The following MYO18A variants were observed in gnomAD, a reference collection of about 807,000 sequenced individuals.
The protein encoded by MYO18A is unconventional myosin-XVIIIa.
MYO18A carries 78 observed loss-of-function variants against 235.8 expected under a neutral mutation model. That is an observed-to-expected ratio of 0.33 (90% CI 0.28 to 0.40). The LOEUF (loss-of-function observed/expected upper bound fraction) is 0.40. Ranked by LOEUF, MYO18A falls within the 10% of genes least tolerant of loss-of-function variation. The pLI is 1.00. For synonymous variants in MYO18A, 977 were observed against 1,077.8 expected, an observed-to-expected ratio of 0.91 and a Z score of 1.83; for missense variants, 2,215 against 2,699.3, an observed-to-expected ratio of 0.82 and a Z score of 3.98.
rs781186814 is a variant in MYO18A, at chr17:29,121,187, G to A, written c.1396C>T (p.Arg466Trp). 7 of 1,608,446 alleles carry A rather than the reference G, an allele frequency of 4.4e-6. No homozygotes were observed. The highest frequency in any genetic ancestry group is 1.6e-4 in the Middle Eastern group (1 of 6,078). ...ATGTGGGGTGCCATGTCCTCCCGCC[G>A]ACAACCCTTGAACATGTGCATCACC... ...EKVMHMFKGCRREDMAPHIYA... is the reference protein window; with the variant it reads ...EKVMHMFKGCWREDMAPHIYA... The change falls in exon 6 of 42, where the codon CGG (arginine) becomes TGG (tryptophan). Residue 466 changes from arginine to tryptophan, a missense_variant. Physicochemically the swap from Arg to Trp is moderately radical, Grantham distance 101. Transcript: ENST00000527372. This position sits in a 1 kb window ranked among gnomAD's most constrained non-coding sequence, Gnocchi z 4.2.
chr17:29,129,090 C>T (rs949045794), intron 2 of MYO18A: 16 of 1,289,254 alleles, frequency 1.2e-5, no homozygotes, highest in African/African-American at 4.6e-5. Context: ...ACCTGTTTTC[C>T]GGGCAGTCAG....
At position 29,177,546 on chromosome 17, in the gene MYO18A, C is replaced by T. The variant is rs117093639; in HGVS notation, c.-82+2767G>A. 6.6e-3 allele frequency among the ~76,000 whole-genome samples: 1,008 copies of T among 152,236 alleles called. 5 individuals are homozygous for T. Among genetic ancestry groups the T allele is most frequent in the Non-Finnish European group, 0.011 (727 of 67,996 alleles). On this transcript the variant is annotated intron_variant, in intron 1 of 41. Coordinates refer to ENST00000527372, the MANE Select transcript of MYO18A (RefSeq NM_078471.4). ...ACCTCCCCAACTCCTCTAATTCAGGCCACCTTGGAAAATGCTAGGGGGAAG... is the reference window on the plus strand; with the variant it reads ...ACCTCCCCAACTCCTCTAATTCAGGTCACCTTGGAAAATGCTAGGGGGAAG...
In MYO18A at chr17:29,071,423, C is replaced by T. The variant is rs1039034460; in HGVS notation, c.*3347G>A. On this transcript the variant is annotated 3_prime_UTR_variant, in exon 42 of 42. Transcript: ENST00000527372. ...TGGCCCTAAAGGCTCCTGGACTCCT[C>T]TGGGGCCAAGGGAATTGTCTCCTTC... The T allele has an allele frequency of 8.5e-5, 13 of 152,236 alleles. No individual in the cohort carries two copies. The highest frequency in any genetic ancestry group is 3.1e-4 in the African/African-American group (13 of 41,466). The allele number at this position is 152,236 out of a possible 1,614,324, so 9.4% of individuals were successfully genotyped here. A position where few individuals can be genotyped will look rare whatever the true frequency, so the allele number is the denominator to read the frequency against.
intron 17 of MYO18A, 138 bp from the exon 18 acceptor site, chr17:29,110,760 C>T (rs1201580813): frequency 1.2e-5 from 10 of 822,596 alleles, no homozygotes; most frequent in Non-Finnish European, 1.7e-5. Flanking sequence ...GAACTGCATG[C>T]CCCACACCCT....
rs1371583594 is a variant in MYO18A, at chr17:29,098,344, G to A, written c.3870+12C>T. 6 of 1,613,630 alleles carry A rather than the reference G, an allele frequency of 3.7e-6. No homozygotes were observed. Among genetic ancestry groups the A allele is most frequent in the Non-Finnish European group, 5.1e-6 (6 of 1,179,776 alleles). On this transcript the variant is annotated intron_variant, in intron 24 of 41. Transcript: ENST00000527372. ...GCCATGCCCAGTCGGTGTGGTGCCA[G>A]GAGTCACTCACCCGGCTCTCCAGCC...
rs758293569 is a variant in MYO18A at position 29,121,930 on chromosome 17, T to C, written c.1115A>G (p.Asn372Ser). The change falls in exon 4 of 42, where the codon AAC (asparagine) becomes AGC (serine). Residue 372 changes from asparagine (N) to serine (S), a missense_variant. Asn to Ser is a conservative substitution (Grantham distance 46, BLOSUM62 1). Coordinates refer to ENST00000527372, the MANE Select transcript of MYO18A (RefSeq NM_078471.4). This position sits in a 1 kb window ranked among gnomAD's most constrained non-coding sequence, Gnocchi z 4.2. ...LASQLKSEEL[N>S]LPEGKVRVKL... The stretch of plus-strand genomic sequence containing the variant: ...CACACGCACCTTCCCCTCAGGCAAG[T>C]TGAGCTCCTCAGATTTGAGTTGACT... 1 of 1,613,882 alleles carries C rather than the reference T, an allele frequency of 6.2e-7. No individual in the cohort carries two copies. Among genetic ancestry groups the C allele is most frequent in the Admixed American group, 1.7e-5 (1 of 60,012 alleles).
At chr17:29,091,733 A>T in intron 34 of MYO18A, 1 of 452,806 alleles carries the variant, frequency 2.2e-6, no homozygotes, top group Non-Finnish European at 4.4e-6. Flanking sequence ...TGAAGCCACC[A>T]GCCCAGCCCA....
rs112380752 is a variant in MYO18A, at chr17:29,095,351, C to G, written c.4386-292G>C. On this transcript the variant is annotated intron_variant, in intron 28 of 41. Coordinates refer to ENST00000527372, the MANE Select transcript of MYO18A (RefSeq NM_078471.4). The stretch of plus-strand genomic sequence containing the variant: ...TAACAGGCCCCCTCAGGAGTTAAGT[C>G]TCTACATTTTCCATTTCAACACATC... 2.5e-3 allele frequency among the ~76,000 whole-genome samples: 384 copies of G among 152,326 alleles called. 1 individual carries two copies. Among genetic ancestry groups the G allele is most frequent in the Non-Finnish European group, 4.7e-3 (319 of 68,028 alleles).
intron 2 of MYO18A, among the ~76,000 whole-genome samples, chr17:29,150,139 C>G (rs78150107): frequency 6.6e-6 from 1 of 152,216 alleles, no homozygotes; most frequent in Non-Finnish European, 1.5e-5. Flanking sequence ...TCAGGTTCCT[C>G]GTAACACTGG....
intron 41 of MYO18A, chr17:29,080,307 G>A: frequency 1.0e-6 from 1 of 986,098 alleles, no homozygotes; most frequent in Non-Finnish European, 1.2e-6. Context: ...GACGGCTGAC[G>A]GAGCGGACGC....
At position 29,085,605 on chromosome 17, in the gene MYO18A, G is replaced by C. The variant is rs759925185; in HGVS notation, c.5896C>G (p.Leu1966Val). 1.2e-6 allele frequency: 2 copies of C among 1,613,868 alleles called. No individual in the cohort carries two copies. Among genetic ancestry groups the C allele is most frequent in the Non-Finnish European group, 1.7e-6 (2 of 1,179,858 alleles). ...VTKYQKRKNK[L>V]EGDSDVDSEL... is the part of the protein sequence containing the mutation. Reference sequence around the variant, plus strand: ...GAGCACATGCGCTCCAGTCCTCACAGTTTATTCTTTCTTTTCTGATACTTT... The same window carrying C: ...GAGCACATGCGCTCCAGTCCTCACACTTTATTCTTTCTTTTCTGATACTTT... Residue 1966 changes from leucine to valine, a missense_variant and splice_region_variant, in exon 40 of 42, where the codon CTT (leucine) becomes GTT (valine). Physicochemically the swap from Leu to Val is conservative, Grantham distance 32 (BLOSUM62 1). Coordinates refer to ENST00000527372, the MANE Select transcript of MYO18A (RefSeq NM_078471.4).
chr17:29,123,725 G>C (rs1158493964), intron 2 of MYO18A, among the ~76,000 whole-genome samples: 7 of 152,244 alleles, frequency 4.6e-5, no homozygotes, highest in African/African-American at 1.7e-4. Context: ...CATTAAAAAG[G>C]CTAGTTCTTT....
chr17:29,074,152 T>C lies in MYO18A; in HGVS notation c.*618A>G, dbSNP rs774978495. Reference sequence around the variant, plus strand: ...GGCTCTCCTCACCAGCGTCTCCAGCTGCACAGAGAAAGGACTGCTCTCTGA... The same window carrying C: ...GGCTCTCCTCACCAGCGTCTCCAGCCGCACAGAGAAAGGACTGCTCTCTGA... On this transcript the variant is annotated 3_prime_UTR_variant, in exon 42 of 42. Coordinates refer to ENST00000527372, the MANE Select transcript of MYO18A (RefSeq NM_078471.4). This position sits in a 1 kb window ranked among gnomAD's most constrained non-coding sequence, Gnocchi z 4.4. 3.1e-6 allele frequency: 5 copies of C among 1,613,610 alleles called. No homozygotes were observed. The highest frequency in any genetic ancestry group is 1.7e-5 in the Admixed American group (1 of 59,978).
At chr17:29,165,838 C>T in intron 2 of MYO18A, 104 bp downstream of exon 2, 1 of 1,128,010 alleles carries the variant, frequency 8.9e-7, no homozygotes, top group Non-Finnish European at 1.3e-6. Context: ...TTACACACTG[C>T]TAGGCTCTGA....
In MYO18A at chr17:29,074,408, A is replaced by G; in HGVS notation, c.*362T>C. On this transcript the variant is annotated 3_prime_UTR_variant, in exon 42 of 42. Transcript: ENST00000527372. This position sits in a 1 kb window ranked among gnomAD's most constrained non-coding sequence, Gnocchi z 4.4. The stretch of plus-strand genomic sequence containing the variant: ...TGGACCCAGCAACCTAGAGTGTCCC[A>G]GTAGGCAACCTGTCCACCGTCCCTG... 1 of 609,922 alleles carries G rather than the reference A, an allele frequency of 1.6e-6. No individual in the cohort carries two copies. Among genetic ancestry groups the G allele is most frequent in the Non-Finnish European group, 2.9e-6 (1 of 341,226 alleles). The allele number at this position is 609,922 out of a possible 1,614,324, so 37.8% of individuals were successfully genotyped here.
intron 40 of MYO18A, among the ~76,000 whole-genome samples, chr17:29,083,221 C>T (rs1290027980): frequency 6.6e-6 from 1 of 152,124 alleles, no homozygotes; most frequent in Non-Finnish European, 1.5e-5. Context: ...CCTCAGGTAG[C>T]CCCCAGCCCT....
At position 29,121,036 on chromosome 17, in the gene MYO18A, G is replaced by A. The variant is rs753886156; in HGVS notation, c.1547C>T (p.Ala516Val). The A allele has an allele frequency of 1.9e-6, 3 of 1,612,670 alleles. No homozygotes were observed. The South Asian group carries it at 3.3e-5, about 18-fold the overall frequency. ...GTTCCCGCTGATGCCCGCGATGGTG[G>A]CCAGGTACTGCACCAGATGCTGGCA... is the stretch of plus-strand genomic sequence containing the variant. ...TSCQHLVQYL[A>V]TIAGISGNKV... The change falls in exon 6 of 42, where the codon GCC (alanine) becomes GTC (valine). Residue 516 changes from alanine to valine, a missense_variant. Transcript: ENST00000527372. This position sits in a 1 kb window ranked among gnomAD's most constrained non-coding sequence, Gnocchi z 4.2.
chr17:29,106,947 G>T lies in MYO18A; in HGVS notation c.3441+133C>A, dbSNP rs996527386. ...GGTCTGGGCCCCAGGACACAGCTGG[G>T]TGCTTCCAAAACTGGGAGCCTGAGC... is the stretch of plus-strand genomic sequence containing the variant. On this transcript the variant is annotated intron_variant, in intron 20 of 41. Transcript: ENST00000527372. This position sits in a 1 kb window ranked among gnomAD's most constrained non-coding sequence, Gnocchi z 4.6. 1.2e-6 allele frequency: 1 copy of T among 839,444 alleles called. No individual in the cohort carries two copies. Among genetic ancestry groups the T allele is most frequent in the Admixed American group, 2.2e-5 (1 of 45,972 alleles). 52.0% of individuals were successfully genotyped at this position (839,444 alleles called of 1,614,324 possible).
rs571717837 is a variant in MYO18A, at chr17:29,158,200, C to A, written c.999+7742G>T. 6.6e-6 allele frequency among the ~76,000 whole-genome samples: 1 copy of A among 152,314 alleles called. No homozygotes were observed. Among genetic ancestry groups the A allele is most frequent in the Admixed American group, 6.5e-5 (1 of 15,300 alleles). On this transcript the variant is annotated intron_variant, in intron 2 of 41. Coordinates refer to ENST00000527372, the MANE Select transcript of MYO18A (RefSeq NM_078471.4). This position sits in a 1 kb window ranked among gnomAD's most constrained non-coding sequence, Gnocchi z 4.3. ...ACACCCGGCGAACACCCGGCAAACA[C>A]CGACATCCTGCCCTGGCCCAGAGTC... is the stretch of plus-strand genomic sequence containing the variant.
Sources: gnomAD v4.1 joint callset for allele counts (sites outside exome capture counted in the v4.1 genomes callset) on GRCh38, gnomAD v4.1.1 for gene constraint, Gnocchi (gnomAD v3.1) non-coding constraint, MANE v1.5 for transcripts, NCBI Gene and HGNC (gene_info 2026-07-23, HGNC 2026-07-21) for gene names.